The following MAPK9 variants were observed in gnomAD, a reference collection of about 807,000 sequenced individuals.
MAPK9 encodes the protein mitogen-activated protein kinase 9.
A neutral mutation model predicts 57.1 loss-of-function variants in MAPK9; 30 were observed. The ratio of observed to expected loss-of-function variants is 0.53; its 90% CI spans 0.39 to 0.71. The LOEUF (loss-of-function observed/expected upper bound fraction) is 0.71, where lower values mean the gene tolerates loss of function less well. Among genes scored for constraint, MAPK9 ranks in the 30% least tolerant of loss-of-function variants. MAPK9 has a pLI of 0.00. For missense variants in MAPK9, 362 were observed against 521.0 expected, an observed-to-expected ratio of 0.69 and a Z score of 2.97; for synonymous variants, 155 against 177.0, an observed-to-expected ratio of 0.88 and a Z score of 0.99.
chr5:180,259,087 C>T (rs1000914937), intron 5 of MAPK9, among the ~76,000 whole-genome samples: 7 of 148,848 alleles, frequency 4.7e-5, no homozygotes, highest in Non-Finnish European at 1.0e-4. Flanking sequence ...TCCCTTTGAA[C>T]ACATGAAAAA....
chr5:180,249,639 CCA>C (rs1328834042), intron 5 of MAPK9, among the ~76,000 whole-genome samples: 1 of 152,184 alleles, frequency 6.6e-6, no homozygotes, highest in Non-Finnish European at 1.5e-5. Flanking sequence ...CAGTGCTGTC[CCA>C]CAGACAATGT....
rs1006781656 is a variant in MAPK9, at chr5:180,233,509, T to G, written c.*2875A>C. 6.6e-6 allele frequency: 1 copy of G among 152,222 alleles called. No individual in the cohort carries two copies. Among genetic ancestry groups the G allele is most frequent in the Non-Finnish European group, 1.5e-5 (1 of 68,044 alleles). 9.4% of individuals were successfully genotyped at this position (152,222 alleles called of 1,614,324 possible). ...ATGACACTTTATCATCTATCTGTGTTCATGTTAAATCTGTCATCAGAGATG... is the reference window on the plus strand; with the variant it reads ...ATGACACTTTATCATCTATCTGTGTGCATGTTAAATCTGTCATCAGAGATG... On this transcript the variant is annotated 3_prime_UTR_variant, in exon 12 of 12. Coordinates refer to ENST00000452135, the MANE Select transcript of MAPK9 (RefSeq NM_002752.5).
At chr5:180,274,194 T>C (rs913220869) in intron 2 of MAPK9, among the ~76,000 whole-genome samples, 1 of 152,252 alleles carries the variant, frequency 6.6e-6, no homozygotes, top group Non-Finnish European at 1.5e-5. Context: ...TAAAAGTTTT[T>C]ATCCTATTTT....
chr5:180,241,237 A>G (rs1757626835), intron 8 of MAPK9, 82 bp from the exon 9 acceptor site: 1 of 1,278,426 alleles, frequency 7.8e-7, no homozygotes. Context: ...ATATGACAAC[A>G]CAGATAGAAC....
chr5:180,264,150 A>G (rs1470550131), intron 4 of MAPK9, among the ~76,000 whole-genome samples: 2 of 152,148 alleles, frequency 1.3e-5, no homozygotes, highest in Admixed American at 1.3e-4. Context: ...CCCTTTGTCC[A>G]CAGCACCTAG....
Position 180,247,573 on chromosome 5 carries a change from G to A in MAPK9, c.617-63C>T. On this transcript the variant is annotated intron_variant, in intron 6 of 11. Transcript: ENST00000452135. The surrounding 1 kb of genome is among the most constrained non-coding windows in gnomAD (Gnocchi z 4.5). ...ATGAACAAAACAAAAGTGAGGAAAA[G>A]GAATTCTAACAGTGCACTAAACACA... The A allele has an allele frequency of 1.4e-6, 2 of 1,441,292 alleles. No individual in the cohort carries two copies. Among genetic ancestry groups the A allele is most frequent in the Non-Finnish European group, 1.9e-6 (2 of 1,033,110 alleles). 89.3% of individuals were successfully genotyped at this position (1,441,292 alleles called of 1,614,324 possible).
chr5:180,272,021 G>A (rs1222905463), intron 2 of MAPK9, among the ~76,000 whole-genome samples: 1 of 152,058 alleles, frequency 6.6e-6, no homozygotes, highest in Non-Finnish European at 1.5e-5. Context: ...TACTCCACAT[G>A]ATTTGCAGAC....
intron 1 of MAPK9, among the ~76,000 whole-genome samples, chr5:180,285,718 G>A (rs1762678575): frequency 6.6e-6 from 1 of 151,978 alleles, no homozygotes; most frequent in Non-Finnish European, 1.5e-5. Flanking sequence ...AAGCCCAAGA[G>A]TTCCAGACCA....
chr5:180,236,466 G>T lies in MAPK9; in HGVS notation c.1193C>A (p.Ser398Tyr). 1 of 1,614,102 alleles carries T rather than the reference G, an allele frequency of 6.2e-7. No individual in the cohort carries two copies. The highest frequency in any genetic ancestry group is 8.5e-7 in the Non-Finnish European group (1 of 1,179,958). ...SQSSSINDIS[S>Y]MSTEQTLASD... ...GGCCAGCGTCTGCTCAGTGGACATG[G>T]ATGAAATGTCATTGATCGATGAAGA... Residue 398 changes from serine (S) to tyrosine (Y), a missense_variant, in exon 12 of 12, where the codon TCC (serine) becomes TAC (tyrosine). By Grantham distance (144) the Ser-to-Tyr change is moderately radical. Transcript: ENST00000452135.
intron 5 of MAPK9, among the ~76,000 whole-genome samples, chr5:180,259,558 G>A (rs1192597368): frequency 6.6e-6 from 1 of 152,078 alleles, no homozygotes; most frequent in Non-Finnish European, 1.5e-5. Context: ...AAGGGATGTG[G>A]TCAAGTCTTC....
At chr5:180,283,194 G>A (rs72811017) in intron 1 of MAPK9, among the ~76,000 whole-genome samples, 22,856 of 152,088 alleles carry the variant, frequency 0.15, 2,136 homozygotes, top group Middle Eastern at 0.2. Flanking sequence ...AACTAGAGAC[G>A]ACGCCTGGCA....
chr5:180,241,215 A>G, intron 8 of MAPK9, 60 bp from the exon 9 acceptor site: 4 of 1,467,814 alleles, frequency 2.7e-6, no homozygotes, highest in Admixed American at 1.9e-5. Flanking sequence ...GAATCATACA[A>G]TAAAGAACTA....
intron 8 of MAPK9, 140 bp from the exon 9 acceptor site, chr5:180,241,295 T>A: frequency 2.3e-6 from 2 of 884,686 alleles, no homozygotes; most frequent in Non-Finnish European, 3.2e-6. Context: ...AAGATGAATA[T>A]AACCCAAAAT....
At chr5:180,238,080 G>C (rs1276232256) in intron 11 of MAPK9, 2 of 281,554 alleles carry the variant, frequency 7.1e-6, no homozygotes, top group Admixed American at 1.0e-4. Flanking sequence ...GACCAGCTTG[G>C]CCAATATGGT....
At chr5:180,277,851 T>G (rs1435906269) in intron 2 of MAPK9, among the ~76,000 whole-genome samples, 1 of 152,150 alleles carries the variant, frequency 6.6e-6, no homozygotes, top group African/African-American at 2.4e-5. Context: ...TTCTACTTGG[T>G]GCCTCATAGC....
Position 180,247,726 on chromosome 5 carries a change from T to C in MAPK9, c.617-216A>G, listed in dbSNP as rs757807417. 2 of 1,102,342 alleles carry C rather than the reference T, an allele frequency of 1.8e-6. No individual in the cohort carries two copies. Among genetic ancestry groups the C allele is most frequent in the South Asian group, 2.6e-5 (2 of 75,772 alleles). 68.3% of individuals were successfully genotyped at this position (1,102,342 alleles called of 1,614,324 possible). ...TAGTGCCAAAGAGTCCAATACTTTA[T>C]AGCTTAAAACAAACAAACAAACAAA... On this transcript the variant is annotated intron_variant, in intron 6 of 11. Transcript: ENST00000452135. The surrounding 1 kb of genome is among the most constrained non-coding windows in gnomAD (Gnocchi z 4.5).
At chr5:180,289,405 C>A (rs1026734591) in intron 1 of MAPK9, among the ~76,000 whole-genome samples, 4 of 151,860 alleles carry the variant, frequency 2.6e-5, no homozygotes, top group African/African-American at 9.7e-5. Context: ...TCTGCAGGAT[C>A]CTTTTGAAGA....
chr5:180,249,011 G>C lies in MAPK9; in HGVS notation c.578C>G (p.Ala193Gly). Residue 193 changes from alanine to glycine, a missense_variant, in exon 6 of 12, where the codon GCG becomes GGG. Physicochemically the swap from Ala to Gly is moderately conservative, Grantham distance 60. Coordinates refer to ENST00000452135, the MANE Select transcript of MAPK9 (RefSeq NM_002752.5). ...GCCCATACCCAGGATGACTTCGGGC[G>C]CCCGGTAGTACCGTGTCACCACGTA... is the stretch of plus-strand genomic sequence containing the variant. The part of the protein sequence containing the change: ...TPYVVTRYYR[A>G]PEVILGMGYK... 6.2e-7 allele frequency: 1 copy of C among 1,613,348 alleles called. No individual in the cohort carries two copies.
intron 1 of MAPK9, 91 bp downstream of exon 1, chr5:180,291,738 CAGCCCCCGGCCCGCCCCGA>C (rs1295829400): frequency 2.7e-5 from 4 of 149,828 alleles, no homozygotes; most frequent in South Asian, 2.0e-4. Flanking sequence ...CAGGGCCCCG[CAGCCCCCGGCCCGCCCCGA>C]AGCCCCCGGC....
Sources: gnomAD v4.1 joint callset for allele counts (sites outside exome capture counted in the v4.1 genomes callset) on GRCh38, gnomAD v4.1.1 for gene constraint, Gnocchi (gnomAD v3.1) non-coding constraint, MANE v1.5 for transcripts, NCBI Gene and HGNC (gene_info 2026-07-23, HGNC 2026-07-21) for gene names.